PKP2: variants seen among roughly 807,000 people sequenced by gnomAD.
PKP2 encodes plakophilin-2.
PKP2 carries 73 observed loss-of-function variants against 83.4 expected under a neutral mutation model. That is an observed-to-expected ratio of 0.88 (90% CI 0.72 to 1.06). The LOEUF is 1.06. PKP2 is among the 50% of genes least tolerant of loss of function. The pLI, the probability that PKP2 is intolerant of heterozygous loss-of-function variation, is 0.00. For missense variants in PKP2, 966 were observed against 1,065.4 expected, an observed-to-expected ratio of 0.91 and a Z score of 1.30; for synonymous variants, 409 against 430.4, an observed-to-expected ratio of 0.95 and a Z score of 0.62.
At chr12:32,880,628 A>G (rs1956976983) in intron 1 of PKP2, among the ~76,000 whole-genome samples, 1 of 152,144 alleles carries the variant, frequency 6.6e-6, no homozygotes, top group East Asian at 1.9e-4. Context: ...ATGAAAACAC[A>G]GACAGCAGCC....
chr12:32,846,765 A>AAG lies in PKP2; in HGVS notation c.1378+3999_1378+4000dup, dbSNP rs1956649767. 2.0e-5 allele frequency among the ~76,000 whole-genome samples: 3 copies of AAG among 150,128 alleles called. No individual in the cohort carries two copies. In the Admixed American group the frequency reaches 2.0e-4, roughly 10 times the overall value. On this transcript the variant is annotated intron_variant, in intron 5 of 12. Transcript: ENST00000340811. ...CTTCTCAAAAAAAAAAAAAAAAAAG[A>AAG]AGAGAGAGGAAGGGTGTCAGAGGAG...
chr12:32,865,733 A>C (rs1015301874), intron 4 of PKP2, among the ~76,000 whole-genome samples: 1 of 151,852 alleles, frequency 6.6e-6, no homozygotes, highest in African/African-American at 2.4e-5. Context: ...GTCCAGAAAT[A>C]GACTCACATA....
At chr12:32,850,741 T>A (rs762757916) in intron 5 of PKP2, 25 bp downstream of exon 5, 4 of 1,580,102 alleles carry the variant, frequency 2.5e-6, no homozygotes, top group African/African-American at 2.7e-5. Flanking sequence ...ATGTGTTAGG[T>A]TCTTCAATGT....
Position 32,878,227 on chromosome 12 carries a change from T to C in PKP2, c.653A>G (p.His218Arg). ...AACAGAGCCATGCTGGTACTGTCTGTGGTATGTGTCAAAGTGGCGCTGCCT... is the reference window on the plus strand; with the variant it reads ...AACAGAGCCATGCTGGTACTGTCTGCGGTATGTGTCAAAGTGGCGCTGCCT... Reference protein sequence around the residue: ...TSRQRHFDTYHRQYQHGSVSD... With the variant: ...TSRQRHFDTYRRQYQHGSVSD... Residue 218 changes from histidine (H) to arginine (R), a missense_variant, in exon 3 of 13, where the codon CAC (histidine) becomes CGC (arginine). By Grantham distance (29) the His-to-Arg change is conservative. Coordinates refer to ENST00000340811, the MANE Select transcript of PKP2 (RefSeq NM_001005242.3). 1 of 1,613,920 alleles carries C rather than the reference T, an allele frequency of 6.2e-7. No individual in the cohort carries two copies. The highest frequency in any genetic ancestry group is 8.5e-7 in the Non-Finnish European group (1 of 1,180,002).
intron 4 of PKP2, among the ~76,000 whole-genome samples, chr12:32,861,613 AAAG>A (rs569597278): frequency 1.4e-4 from 22 of 152,202 alleles, no homozygotes; most frequent in Non-Finnish European, 2.6e-4. Flanking sequence ...TGTAGTTCCC[AAAG>A]GAGGAATAGA....
At chr12:32,849,438 C>A (rs1028303199) in intron 5 of PKP2, among the ~76,000 whole-genome samples, 2 of 152,182 alleles carry the variant, frequency 1.3e-5, no homozygotes, top group South Asian at 4.1e-4. Flanking sequence ...AGGCTGGTCT[C>A]GAACTCCTGG....
intron 1 of PKP2, among the ~76,000 whole-genome samples, chr12:32,893,022 G>A (rs1957088755): frequency 6.6e-6 from 1 of 152,090 alleles, no homozygotes; most frequent in South Asian, 2.1e-4. Flanking sequence ...TTCCCAAAGA[G>A]TTACAGCCAA....
At chr12:32,848,524 T>G (rs1466131772) in intron 5 of PKP2, among the ~76,000 whole-genome samples, 1 of 152,216 alleles carries the variant, frequency 6.6e-6, no homozygotes, top group Non-Finnish European at 1.5e-5. Flanking sequence ...GCAACATGTA[T>G]ACAGCTGGAG....
chr12:32,834,784 T>G (rs924853699), intron 6 of PKP2, among the ~76,000 whole-genome samples: 1 of 152,092 alleles, frequency 6.6e-6, no homozygotes, highest in African/African-American at 2.4e-5. Flanking sequence ...ATGATAAAAC[T>G]TTGGCAGCAA....
At chr12:32,863,146 A>G (rs555584097) in intron 4 of PKP2, 4 of 170,884 alleles carry the variant, frequency 2.3e-5, no homozygotes, top group South Asian at 1.4e-4. Flanking sequence ...TTTGCTGGCT[A>G]TAAGTGCGGT....
At chr12:32,884,987 C>T (rs548972305) in intron 1 of PKP2, among the ~76,000 whole-genome samples, 1 of 152,280 alleles carries the variant, frequency 6.6e-6, no homozygotes, top group East Asian at 1.9e-4. Context: ...AACATGGGCT[C>T]AGGCAACATT....
chr12:32,836,450 C>T (rs185286308), intron 6 of PKP2, among the ~76,000 whole-genome samples: 1 of 152,328 alleles, frequency 6.6e-6, no homozygotes, highest in African/African-American at 2.4e-5. Context: ...AACACAAGTT[C>T]ATTAGTTAAG....
intron 10 of PKP2, among the ~76,000 whole-genome samples, chr12:32,797,713 G>A (rs1047487637): frequency 3.3e-5 from 5 of 151,644 alleles, no homozygotes; most frequent in South Asian, 2.1e-4. Flanking sequence ...CCGCCACCAC[G>A]CCGGGCTAAT....
intron 4 of PKP2, among the ~76,000 whole-genome samples, chr12:32,862,201 T>G (rs1956805718): frequency 6.6e-6 from 1 of 151,842 alleles, no homozygotes; most frequent in Non-Finnish European, 1.5e-5. Context: ...CGTGGCCAAC[T>G]TTCAGTACTA....
intron 3 of PKP2, among the ~76,000 whole-genome samples, chr12:32,872,094 C>T (rs1306872108): frequency 1.3e-5 from 2 of 152,138 alleles, no homozygotes; most frequent in East Asian, 3.9e-4. Flanking sequence ...TGTTCCCTAG[C>T]CCCACTGACC....
intron 10 of PKP2, among the ~76,000 whole-genome samples, chr12:32,799,605 T>G (rs1009331710): frequency 6.6e-6 from 1 of 152,106 alleles, no homozygotes; most frequent in Non-Finnish European, 1.5e-5. Context: ...ACTCAGCCAT[T>G]AAAAAGAAAG....
intron 3 of PKP2, among the ~76,000 whole-genome samples, chr12:32,870,554 A>C (rs774900668): frequency 9.2e-5 from 14 of 152,156 alleles, no homozygotes; most frequent in Non-Finnish European, 1.6e-4. Context: ...TAAAACTAGA[A>C]TTTGAGTCAC....
At chr12:32,832,471 T>A (rs183632069) in intron 6 of PKP2, among the ~76,000 whole-genome samples, 1 of 152,224 alleles carries the variant, frequency 6.6e-6, no homozygotes, top group South Asian at 2.1e-4. Flanking sequence ...AATATGGTTA[T>A]GACTGGTTAT....
chr12:32,798,147 C>T (rs1414946972), intron 10 of PKP2, among the ~76,000 whole-genome samples: 4 of 130,960 alleles, frequency 3.1e-5, no homozygotes, highest in South Asian at 2.5e-4. Context: ...TGCAATGGCA[C>T]GATCTCATCT....
Sources: allele counts gnomAD v4.1 joint callset (sites outside exome capture counted in the v4.1 genomes callset), GRCh38; gene constraint gnomAD v4.1.1; transcripts MANE v1.5; gene names NCBI Gene and HGNC (gene_info 2026-07-23, HGNC 2026-07-21).